CCDC152: variants seen among roughly 807,000 people sequenced by gnomAD.
The protein encoded by CCDC152 is coiled-coil domain containing 152.
CCDC152 carries 37 observed loss-of-function variants against 38.1 expected under a neutral mutation model. That is an observed-to-expected ratio of 0.97 (90% CI 0.75 to 1.28). The LOEUF is 1.28. Among genes scored for constraint, CCDC152 ranks in the 50% most tolerant of loss-of-function variants. The pLI is 0.00. For missense variants in CCDC152, 259 were observed against 292.1 expected (o/e 0.89, Z 0.83); for synonymous variants, 83 against 87.1 (o/e 0.95, Z 0.26).
chr5:42,764,711 A>C (rs756354979), intron 3 of CCDC152, among the ~76,000 whole-genome samples: 7 of 152,210 alleles, frequency 4.6e-5, no homozygotes, highest in Non-Finnish European at 8.8e-5. Flanking sequence ...AAAGGATTTG[A>C]TAAAATTCAA....
chr5:42,770,160 C>A (rs910431570), intron 4 of CCDC152, among the ~76,000 whole-genome samples: 28 of 152,144 alleles, frequency 1.8e-4, no homozygotes, highest in African/African-American at 6.3e-4. Flanking sequence ...ACAAAACAGA[C>A]CAAGTATTTT....
intron 2 of CCDC152, among the ~76,000 whole-genome samples, chr5:42,759,645 G>A (rs909818621): frequency 2.6e-5 from 4 of 152,118 alleles, no homozygotes; most frequent in African/African-American, 9.7e-5. Context: ...TGTCAGTCCT[G>A]CCCAGGTTGT....
intron 3 of CCDC152, among the ~76,000 whole-genome samples, chr5:42,763,069 T>G (rs945746752): frequency 4.6e-5 from 7 of 152,154 alleles, no homozygotes; most frequent in Middle Eastern, 3.2e-3. Context: ...GGAACCAACG[T>G]TTTTTTGAGA....
At chr5:42,778,895 A>G (rs963672644) in intron 4 of CCDC152, among the ~76,000 whole-genome samples, 2 of 152,194 alleles carry the variant, frequency 1.3e-5, no homozygotes, top group African/African-American at 4.8e-5. Context: ...ACCAAAATCC[A>G]AAATTGTTCA....
At chr5:42,781,586 C>A (rs1487326615) in intron 5 of CCDC152, among the ~76,000 whole-genome samples, 2 of 151,844 alleles carry the variant, frequency 1.3e-5, no homozygotes, top group Non-Finnish European at 2.9e-5. Context: ...CACACATACA[C>A]ACACACAAAT....
Position 42,757,659 on chromosome 5 carries a change from AC to A in CCDC152, c.-3+776del, listed in dbSNP as rs575537860. Among the ~76,000 whole-genome samples the A allele has an allele frequency of 2.5e-4, 38 of 152,328 alleles. 1 individual carries two copies. Among genetic ancestry groups the A allele is most frequent in the African/African-American group, 8.4e-4 (35 of 41,572 alleles). ...AATCAGAAGAGCAGGCAATGAAGAT[AC>A]CTAGAAATGAATTGCCTGGCTCTGC... is the stretch of plus-strand genomic sequence containing the variant. On this transcript the variant is annotated intron_variant, in intron 1 of 8. Transcript: ENST00000361970.
At chr5:42,785,735 C>G (rs1759912612) in intron 6 of CCDC152, among the ~76,000 whole-genome samples, 1 of 151,970 alleles carries the variant, frequency 6.6e-6, no homozygotes, top group Non-Finnish European at 1.5e-5. Context: ...TCAACTTTTC[C>G]CCATTCAGGA....
chr5:42,786,221 G>T (rs1416160898), intron 6 of CCDC152, among the ~76,000 whole-genome samples: 1 of 151,950 alleles, frequency 6.6e-6, no homozygotes, highest in African/African-American at 2.4e-5. Context: ...GGTAGAATTT[G>T]GCTGGCCTGT....
chr5:42,776,957 C>A (rs1364503867), intron 4 of CCDC152, among the ~76,000 whole-genome samples: 5 of 151,298 alleles, frequency 3.3e-5, no homozygotes, highest in African/African-American at 1.2e-4. Context: ...TATGAGAAGA[C>A]AACAAAAAAC....
intron 3 of CCDC152, among the ~76,000 whole-genome samples, chr5:42,767,028 A>G (rs1381767415): frequency 6.6e-6 from 1 of 152,158 alleles, no homozygotes; most frequent in East Asian, 1.9e-4. Context: ...TACCCCATAA[A>G]TATATACACC....
chr5:42,758,227 T>C (rs976310546), intron 1 of CCDC152, among the ~76,000 whole-genome samples: 1 of 152,242 alleles, frequency 6.6e-6, no homozygotes, highest in East Asian at 1.9e-4. Flanking sequence ...TGAGATATCT[T>C]GATGAAATAA....
intron 3 of CCDC152, among the ~76,000 whole-genome samples, chr5:42,768,367 T>A: frequency 6.6e-6 from 1 of 151,592 alleles, no homozygotes; most frequent in Non-Finnish European, 1.5e-5. Context: ...ACAGTAGGAA[T>A]CAATAGTAAG....
In CCDC152 at chr5:42,799,737, C is replaced by A; in HGVS notation, c.721C>A (p.Leu241Ile). The A allele has an allele frequency of 6.4e-7, 1 of 1,551,280 alleles. No homozygotes were observed. The highest frequency in any genetic ancestry group is 8.7e-7 in the Non-Finnish European group (1 of 1,146,818). ...RNTIRDLEQR[L>I]SVGKDSHLKR... The stretch of plus-strand genomic sequence containing the variant: ...TACCATTCGCGATTTAGAGCAACGC[C>A]TTTCTGTTGGCAAAGATTCTCACCT... Residue 241 changes from leucine to isoleucine, a missense_variant, in exon 9 of 9, where the codon CTT becomes ATT. Physicochemically the swap from Leu to Ile is conservative, Grantham distance 5. Transcript: ENST00000361970.
intron 6 of CCDC152, among the ~76,000 whole-genome samples, chr5:42,795,278 T>G (rs1760059543): frequency 6.6e-6 from 1 of 152,182 alleles, no homozygotes; most frequent in Non-Finnish European, 1.5e-5. Context: ...AAAGTATACT[T>G]TAAAGCAAGA....
chr5:42,762,448 G>A lies in CCDC152; in HGVS notation c.93G>A (p.Met31Ile), dbSNP rs898954021. The A allele has an allele frequency of 3.4e-6, 5 of 1,454,984 alleles. No individual in the cohort carries two copies. The highest frequency in any genetic ancestry group is 2.2e-5 in the Admixed American group (1 of 46,460). 90.1% of individuals were successfully genotyped at this position (1,454,984 alleles called of 1,614,324 possible). ...INDFSQIEKK[M>I]VETNGKNNIL... ...GTATTCTATTTCTTCTACAGAAAATGGTAGAAACCAATGGAAAGAACAATA... is the reference window on the plus strand; with the variant it reads ...GTATTCTATTTCTTCTACAGAAAATAGTAGAAACCAATGGAAAGAACAATA... Residue 31 changes from methionine (M) to isoleucine (I), a missense_variant, in exon 3 of 9, where the codon ATG (methionine) becomes ATA (isoleucine). Physicochemically the swap from Met to Ile is conservative, Grantham distance 10. Coordinates refer to ENST00000361970, the MANE Select transcript of CCDC152 (RefSeq NM_001134848.2).
intron 3 of CCDC152, among the ~76,000 whole-genome samples, chr5:42,767,651 A>G (rs1759642848): frequency 6.6e-6 from 1 of 152,232 alleles, no homozygotes; most frequent in African/African-American, 2.4e-5. Flanking sequence ...TATTCTCGTG[A>G]AGAATTTATC....
chr5:42,779,369 T>C (rs748584364), intron 4 of CCDC152, 89 bp from the exon 5 acceptor site: 98 of 768,886 alleles, frequency 1.3e-4, no homozygotes, highest in Admixed American at 6.1e-4. Context: ...GTTGAATGCA[T>C]ACATAATGGA....
At chr5:42,765,814 A>G (rs1190053480) in intron 3 of CCDC152, among the ~76,000 whole-genome samples, 2 of 152,190 alleles carry the variant, frequency 1.3e-5, no homozygotes, top group African/African-American at 4.8e-5. Context: ...AACTGTTACA[A>G]GAAGACATCA....
At chr5:42,783,627 G>A (rs1759877902) in intron 6 of CCDC152, 51 bp downstream of exon 6, 1 of 906,682 alleles carries the variant, frequency 1.1e-6, no homozygotes, top group Non-Finnish European at 1.5e-6. Context: ...CAGATATAAT[G>A]TGTGGGTTTG....
Sources: allele counts gnomAD v4.1 joint callset (sites outside exome capture counted in the v4.1 genomes callset), GRCh38; gene constraint gnomAD v4.1.1; transcripts MANE v1.5; gene names NCBI Gene and HGNC (gene_info 2026-07-23, HGNC 2026-07-21).